Variants in DLL4 observed in about 807,000 individuals in gnomAD.
DLL4 encodes delta-like protein 4.
Under a neutral mutation model 73.6 loss-of-function variants are expected in DLL4, and 7 were observed. The observed-to-expected ratio is 0.10, with a 90% CI of 0.05 to 0.18. The LOEUF (loss-of-function observed/expected upper bound fraction) is 0.18. Ranked by LOEUF, DLL4 falls within the 10% of genes least tolerant of loss-of-function variation. The pLI, the probability that DLL4 is intolerant of heterozygous loss-of-function variation, is 1.00. For missense variants in DLL4, 614 were observed against 929.9 expected, an observed-to-expected ratio of 0.66 and a Z score of 4.42; for synonymous variants, 345 against 374.3, an observed-to-expected ratio of 0.92 and a Z score of 0.90.
In DLL4 at chr15:40,936,761, A is replaced by G; in HGVS notation, c.1774A>G (p.Lys592Glu). 6.2e-7 allele frequency: 1 copy of G among 1,613,892 alleles called. No homozygotes were observed. Among genetic ancestry groups the G allele is most frequent in the Non-Finnish European group, 8.5e-7 (1 of 1,179,894 alleles). ...AAQLKNTNQK[K>E]ELEVDCGLDK... ...CCAGCTTAAAAACACAAACCAGAAG[A>G]AGGAGCTGGAAGTGGACTGTGGCCT... Residue 592 changes from lysine (K) to glutamate (E), a missense_variant, in exon 9 of 11, where the codon AAG (lysine) becomes GAG (glutamate). By Grantham distance (56) the Lys-to-Glu change is moderately conservative (BLOSUM62 1). Transcript: ENST00000249749.
rs1358697348 is a variant in DLL4 at position 40,937,533 on chromosome 15, G to A, written c.2052+7G>A. 6.3e-7 allele frequency: 1 copy of A among 1,579,054 alleles called. No homozygotes were observed. On this transcript the variant is annotated splice_region_variant and intron_variant, in intron 10 of 10. Coordinates refer to ENST00000249749, the MANE Select transcript of DLL4 (RefSeq NM_019074.4). ...ATGTGTCATTGCCACGGAGGTGAGTGCTGGGCTCGCCTTTCCTTCTGCCTT... is the reference window on the plus strand; with the variant it reads ...ATGTGTCATTGCCACGGAGGTGAGTACTGGGCTCGCCTTTCCTTCTGCCTT...
At chr15:40,936,193 G>T (rs765165782) in intron 8 of DLL4, 35 bp from the exon 9 acceptor site, 4 of 1,514,662 alleles carry the variant, frequency 2.6e-6, no homozygotes, top group Non-Finnish European at 3.5e-6. Context: ...GAGCTCCCAG[G>T]CTATCACTGA....
rs755559750 is a variant in DLL4, at chr15:40,930,011, G to A, written c.231G>A (p.Gly77=). The A allele has an allele frequency of 1.9e-6, 3 of 1,612,964 alleles. No homozygotes were observed. Among genetic ancestry groups the A allele is most frequent in the South Asian group, 2.2e-5 (2 of 91,018 alleles). The change falls in exon 2 of 11, where the codon GGG becomes GGA. Residue 77 remains glycine (G), a synonymous_variant. Coordinates refer to ENST00000249749, the MANE Select transcript of DLL4 (RefSeq NM_019074.4). This position sits in a 1 kb window ranked among gnomAD's most constrained non-coding sequence, Gnocchi z 5.7. Reference sequence around the variant, plus strand: ...TCTCGCCCGGACCCTGCACCTTCGGGACCGTCTCCACGCCGGTATTGGGCA... The same window carrying A: ...TCTCGCCCGGACCCTGCACCTTCGGAACCGTCTCCACGCCGGTATTGGGCA... ...AVVSPGPCTF[G]TVSTPVLGTN...
At position 40,936,867 on chromosome 15, in the gene DLL4, T is replaced by C. The variant is rs1310833044; in HGVS notation, c.1880T>C (p.Met627Thr). ...CCAGGGCCCCTGGGGCGGGGGACCA[T>C]GCCAGGAAAGTTTCCCCACAGTGAC... is the stretch of plus-strand genomic sequence containing the variant. ...LAPGPLGRGTMPGKFPHSDKS... is the reference protein window; with the variant it reads ...LAPGPLGRGTTPGKFPHSDKS... Residue 627 changes from methionine to threonine, a missense_variant, in exon 9 of 11, where the codon ATG becomes ACG. Met to Thr is a moderately conservative substitution (Grantham distance 81, BLOSUM62 -1). This residue lies in a region of DLL4 where 386 missense variants were observed against 541.3 expected (regional missense o/e 0.71). Transcript: ENST00000249749. 6.2e-7 allele frequency: 1 copy of C among 1,612,936 alleles called. No individual in the cohort carries two copies. Among genetic ancestry groups the C allele is most frequent in the South Asian group, 1.1e-5 (1 of 91,066 alleles).
intron 8 of DLL4, 70 bp downstream of exon 8, chr15:40,935,187 G>A (rs998881549): frequency 4.1e-6 from 6 of 1,448,524 alleles, no homozygotes; most frequent in Non-Finnish European, 5.6e-6. Flanking sequence ...GTGAGGGAGG[G>A]TCAGGAGAGG....
chr15:40,931,494 C>T lies in DLL4; in HGVS notation c.395-9C>T, dbSNP rs1319782274. ...GACCCTTCCCTGACCCGACCCTCTG[C>T]CCCCTCAGAGGCCTTGCCACCAGAT... On this transcript the variant is annotated splice_polypyrimidine_tract_variant and intron_variant, in intron 3 of 10. Transcript: ENST00000249749. 2 of 1,605,070 alleles carry T rather than the reference C, an allele frequency of 1.2e-6. No individual in the cohort carries two copies. The highest frequency in any genetic ancestry group is 1.3e-5 in the African/African-American group (1 of 74,682).
rs372957013 is a variant in DLL4 at position 40,936,654 on chromosome 15, G to A, written c.1667G>A (p.Arg556Gln). 3.5e-5 allele frequency: 57 copies of A among 1,612,108 alleles called. No individual in the cohort carries two copies. The highest frequency in any genetic ancestry group is 3.3e-4 in the African/African-American group (25 of 75,040). Residue 556 changes from arginine to glutamine, a missense_variant, in exon 9 of 11, where the codon CGG becomes CAG. By Grantham distance (43) the Arg-to-Gln change is conservative (BLOSUM62 1). Around this residue, in one of 3 missense-constraint regions of DLL4, gnomAD observed 386 missense variants for 541.3 expected, o/e 0.71. Coordinates refer to ENST00000249749, the MANE Select transcript of DLL4 (RefSeq NM_019074.4). ...GMVAVAVRQLRLRRPDDGSRE... is the reference protein window; with the variant it reads ...GMVAVAVRQLQLRRPDDGSRE... ...GTGGCAGTGGCTGTGCGGCAGCTGC[G>A]GCTTCGACGGCCGGACGACGGCAGC...
chr15:40,932,394 C>G lies in DLL4; in HGVS notation c.797C>G (p.Thr266Ser), dbSNP rs755355877. The G allele has an allele frequency of 6.2e-7, 1 of 1,614,002 alleles. No homozygotes were observed. Among genetic ancestry groups the G allele is most frequent in the Admixed American group, 1.7e-5 (1 of 60,030 alleles). ...GGCTGTCGCCACGGCACCTGCAGCA[C>G]TCCCTGGCAATGTACTTGTGATGAG... ...HNGCRHGTCSTPWQCTCDEGW... is the reference protein window; with the variant it reads ...HNGCRHGTCSSPWQCTCDEGW... The change falls in exon 6 of 11, where the codon ACT becomes AGT. Residue 266 changes from threonine (T) to serine (S), a missense_variant. Coordinates refer to ENST00000249749, the MANE Select transcript of DLL4 (RefSeq NM_019074.4).
chr15:40,933,837 C>T (rs1012543335), intron 6 of DLL4, among the ~76,000 whole-genome samples: 2 of 152,040 alleles, frequency 1.3e-5, no homozygotes, highest in East Asian at 1.9e-4. Flanking sequence ...TTCATCCTGG[C>T]TAACACAGTG....
rs946799953 is a variant in DLL4, at chr15:40,931,738, C to T, written c.630C>T (p.Pro210=). Residue 210 remains proline (P), a synonymous_variant, in exon 4 of 11, where the codon CCC becomes CCT. Transcript: ENST00000249749. Reference sequence around the variant, plus strand: ...CAGATGGCAACTTGTCCTGCCTGCCCGGTTGGACTGGGGAATATTGCCAAC... The same window carrying T: ...CAGATGGCAACTTGTCCTGCCTGCCTGGTTGGACTGGGGAATATTGCCAAC... ...CQPDGNLSCL[P]GWTGEYCQQP... The T allele has an allele frequency of 5.6e-6, 9 of 1,613,658 alleles. No homozygotes were observed. Among genetic ancestry groups the T allele is most frequent in the African/African-American group, 2.7e-5 (2 of 74,948 alleles).
chr15:40,934,323 T>TAA (rs561583510), intron 6 of DLL4, among the ~76,000 whole-genome samples: 82 of 109,732 alleles, frequency 7.5e-4, no homozygotes, highest in African/African-American at 2.7e-3. Flanking sequence ...GAGACTCTGT[T>TAA]AAAAAAAAAA....
rs201368469 is a variant in DLL4, at chr15:40,930,602, C to T, written c.337-23C>T. 2.6e-4 allele frequency: 427 copies of T among 1,612,408 alleles called. No individual in the cohort carries two copies. Among genetic ancestry groups the T allele is most frequent in the Middle Eastern group, 2.0e-3 (12 of 6,060 alleles). On this transcript the variant is annotated intron_variant, in intron 2 of 10. Transcript: ENST00000249749. This position sits in a 1 kb window ranked among gnomAD's most constrained non-coding sequence, Gnocchi z 5.7. The stretch of plus-strand genomic sequence containing the variant: ...CCGCTTGCTCATCTCGCCATCTCTC[C>T]GTCCCCCCACCCCCTTTCCCAGGGT...
chr15:40,935,202 A>C, intron 8 of DLL4, 85 bp downstream of exon 8: 3 of 1,328,058 alleles, frequency 2.3e-6, no homozygotes, highest in Non-Finnish European at 3.1e-6. Context: ...GAGAGGAGCG[A>C]GGCATTGTCT....
chr15:40,938,170 C>G lies in DLL4; in HGVS notation c.*136C>G, dbSNP rs1652208663. ...CAGGAGGAGGAGGGAATGGCAGGAA[C>G]CGGACAGACTGTGAACTTGCCAAGA... On this transcript the variant is annotated 3_prime_UTR_variant, in exon 11 of 11. Coordinates refer to ENST00000249749, the MANE Select transcript of DLL4 (RefSeq NM_019074.4). The G allele has an allele frequency of 1.0e-6, 1 of 1,002,060 alleles. No homozygotes were observed. Among genetic ancestry groups the G allele is most frequent in the Non-Finnish European group, 1.4e-6 (1 of 724,246 alleles). 62.1% of individuals were successfully genotyped at this position (1,002,060 alleles called of 1,614,324 possible). A position where few individuals can be genotyped will look rare whatever the true frequency, so the allele number is the denominator to read the frequency against.
In DLL4 at chr15:40,936,627, T is replaced by C; in HGVS notation, c.1640T>C (p.Met547Thr). The C allele has an allele frequency of 6.2e-7, 1 of 1,611,264 alleles. No homozygotes were observed. The highest frequency in any genetic ancestry group is 1.3e-5 in the African/African-American group (1 of 75,026). Residue 547 changes from methionine to threonine, a missense_variant, in exon 9 of 11, where the codon ATG becomes ACG. By Grantham distance (81) the Met-to-Thr change is moderately conservative. Transcript: ENST00000249749. Reference protein sequence around the residue: ...GLAVLLVLLGMVAVAVRQLRL... With the variant: ...GLAVLLVLLGTVAVAVRQLRL... The stretch of plus-strand genomic sequence containing the variant: ...GCAGTGCTGCTGGTACTGCTGGGCA[T>C]GGTGGCAGTGGCTGTGCGGCAGCTG...
Position 40,929,885 on chromosome 15 carries a change from G to A in DLL4, c.105G>A (p.Gln35=). 1 of 1,612,808 alleles carries A rather than the reference G, an allele frequency of 6.2e-7. No homozygotes were observed. The highest frequency in any genetic ancestry group is 8.5e-7 in the Non-Finnish European group (1 of 1,179,754). ...CCGGCGTCTTCCAGCTGCAGCTGCA[G>A]GAGTTCATCAACGAGCGCGGCGTAC... The part of the protein sequence containing the change: ...AGSGVFQLQL[Q]EFINERGVLA... The change falls in exon 2 of 11, where the codon CAG becomes CAA. Residue 35 remains glutamine (Q), a synonymous_variant. Coordinates refer to ENST00000249749, the MANE Select transcript of DLL4 (RefSeq NM_019074.4). The surrounding 1 kb of genome is among the most constrained non-coding windows in gnomAD (Gnocchi z 7.1).
chr15:40,938,067 C>G lies in DLL4; in HGVS notation c.*33C>G. ...GCCTACCTGGACATCCCTGCTCAGCCCCGCGGCTGGACCTTCCTTCTGCAT... is the reference window on the plus strand; with the variant it reads ...GCCTACCTGGACATCCCTGCTCAGCGCCGCGGCTGGACCTTCCTTCTGCAT... On this transcript the variant is annotated 3_prime_UTR_variant, in exon 11 of 11. Coordinates refer to ENST00000249749, the MANE Select transcript of DLL4 (RefSeq NM_019074.4). 1 of 1,532,842 alleles carries G rather than the reference C, an allele frequency of 6.5e-7. No homozygotes were observed. The highest frequency in any genetic ancestry group is 8.8e-7 in the Non-Finnish European group (1 of 1,142,756). The allele number at this position is 1,532,842 out of a possible 1,614,324, so 95.0% of individuals were successfully genotyped here. A position where few individuals can be genotyped will look rare whatever the true frequency, so the allele number is the denominator to read the frequency against.
Position 40,934,682 on chromosome 15 carries a change from G to A in DLL4, c.985G>A (p.Asp329Asn), listed in dbSNP as rs1892817930. 1 of 1,613,786 alleles carries A rather than the reference G, an allele frequency of 6.2e-7. No homozygotes were observed. Among genetic ancestry groups the A allele is most frequent in the African/African-American group, 1.3e-5 (1 of 74,940 alleles). ...VDCELELSEC[D>N]SNPCRNGGSC... ...CTGTGAGCTGGAGCTCAGCGAGTGT[G>A]ACAGCAACCCCTGTCGCAATGGAGG... The change falls in exon 7 of 11, where the codon GAC becomes AAC. Residue 329 changes from aspartate (D) to asparagine (N), a missense_variant. Physicochemically the swap from Asp to Asn is conservative, Grantham distance 23. Transcript: ENST00000249749.
At position 40,931,599 on chromosome 15, in the gene DLL4, T is replaced by G; in HGVS notation, c.491T>G (p.Leu164Arg). The G allele has an allele frequency of 3.1e-6, 5 of 1,612,964 alleles. No homozygotes were observed. The highest frequency in any genetic ancestry group is 1.1e-5 in the South Asian group (1 of 90,830). Residue 164 changes from leucine (L) to arginine (R), a missense_variant, in exon 4 of 11, where the codon CTC (leucine) becomes CGC (arginine). Coordinates refer to ENST00000249749, the MANE Select transcript of DLL4 (RefSeq NM_019074.4). ...NWLLDEQTST[L>R]TRLRYSYRVI... The stretch of plus-strand genomic sequence containing the variant: ...TTATTGGATGAGCAAACCAGCACCC[T>G]CACAAGGCTGCGCTACTCTTACCGG...
Sources: gnomAD v4.1 joint callset for allele counts (sites outside exome capture counted in the v4.1 genomes callset) on GRCh38, gnomAD v4.1.1 for gene constraint, gnomAD v4.1.1 regional missense constraint, Gnocchi (gnomAD v3.1) non-coding constraint, MANE v1.5 for transcripts, NCBI Gene and HGNC (gene_info 2026-07-23, HGNC 2026-07-21) for gene names.